Variants in ONECUT2 observed in about 807,000 individuals in gnomAD.
ONECUT2 encodes one cut homeobox 2, also known as one cut domain family member 2.
A neutral mutation model predicts 27.9 loss-of-function variants in ONECUT2; 10 were observed. That is an observed-to-expected ratio of 0.36 (90% CI 0.22 to 0.61). The LOEUF (loss-of-function observed/expected upper bound fraction) is 0.61, where lower values mean the gene tolerates loss of function less well. ONECUT2 is among the 20% of genes least tolerant of loss of function. ONECUT2 has a pLI of 0.73. For synonymous variants in ONECUT2, 334 were observed against 315.1 expected, an observed-to-expected ratio of 1.06 and a Z score of -0.64; for missense variants, 686 against 721.0, an observed-to-expected ratio of 0.95 and a Z score of 0.56.
rs920002810 is a variant in ONECUT2, at chr18:57,488,777, G to A, written c.*12054G>A. The A allele has an allele frequency of 2.0e-5, 3 of 152,648 alleles. No individual in the cohort carries two copies. Among genetic ancestry groups the A allele is most frequent in the Non-Finnish European group, 2.9e-5 (2 of 68,084 alleles). The allele number at this position is 152,648 out of a possible 1,614,324, so 9.5% of individuals were successfully genotyped here. On this transcript the variant is annotated 3_prime_UTR_variant, in exon 2 of 2. Transcript: ENST00000491143. Reference sequence around the variant, plus strand: ...TGGTTTTCTCTCCTGCCCTCTTGGGGAAACATGGGCCTGGCCTGGGAAAAG... The same window carrying A: ...TGGTTTTCTCTCCTGCCCTCTTGGGAAAACATGGGCCTGGCCTGGGAAAAG...
In ONECUT2 at chr18:57,480,687, C is replaced by T. The variant is rs2050411141; in HGVS notation, c.*3964C>T. ...TTGCTTTTAGAAAATTATTTACATACATATATAAATATATATGTGTATCTA... is the reference window on the plus strand; with the variant it reads ...TTGCTTTTAGAAAATTATTTACATATATATATAAATATATATGTGTATCTA... On this transcript the variant is annotated 3_prime_UTR_variant, in exon 2 of 2. Transcript: ENST00000491143. 6.6e-6 allele frequency: 1 copy of T among 151,772 alleles called. No homozygotes were observed. The highest frequency in any genetic ancestry group is 6.6e-5 in the Admixed American group (1 of 15,252). The allele number at this position is 151,772 out of a possible 1,614,324, so 9.4% of individuals were successfully genotyped here.
chr18:57,450,488 T>C (rs1286067312), intron 1 of ONECUT2, among the ~76,000 whole-genome samples: 2 of 152,276 alleles, frequency 1.3e-5, no homozygotes, highest in South Asian at 4.1e-4. Context: ...AAAGGGGTAT[T>C]GTTTTCTATA....
At chr18:57,454,895 T>C (rs2050250368) in intron 1 of ONECUT2, among the ~76,000 whole-genome samples, 1 of 152,224 alleles carries the variant, frequency 6.6e-6, no homozygotes, top group Admixed American at 6.5e-5. Flanking sequence ...CCCTACAGGC[T>C]TAGATTGGAA....
At chr18:57,471,842 C>G (rs950982233) in intron 1 of ONECUT2, among the ~76,000 whole-genome samples, 4 of 152,138 alleles carry the variant, frequency 2.6e-5, no homozygotes, top group Admixed American at 2.0e-4. Flanking sequence ...AGCGCTTGGC[C>G]TTCCATGTGG....
At chr18:57,472,589 C>G (rs892063460) in intron 1 of ONECUT2, among the ~76,000 whole-genome samples, 2 of 152,170 alleles carry the variant, frequency 1.3e-5, no homozygotes, top group African/African-American at 4.8e-5. Flanking sequence ...GCTGTGGCAT[C>G]TGGTGGCTTC....
chr18:57,438,101 C>T (rs1476226370), intron 1 of ONECUT2, among the ~76,000 whole-genome samples: 1 of 152,202 alleles, frequency 6.6e-6, no homozygotes, highest in Non-Finnish European at 1.5e-5. Flanking sequence ...GGCGGGTGCG[C>T]GAGCTAGAGG....
rs770906620 is a variant in ONECUT2 at position 57,476,478 on chromosome 18, A to T, written c.1270A>T (p.Asn424Tyr). The T allele has an allele frequency of 4.2e-5, 68 of 1,614,136 alleles. No individual in the cohort carries two copies. The Middle Eastern group carries it at 6.6e-4, about 16-fold the overall frequency. Residue 424 changes from asparagine (N) to tyrosine (Y), a missense_variant, in exon 2 of 2, where the codon AAT becomes TAT. By Grantham distance (143) the Asn-to-Tyr change is moderately radical (BLOSUM62 -2). Around this residue, in one of 4 missense-constraint regions of ONECUT2, gnomAD observed 51 missense variants for 41.3 expected, o/e 1.23. Transcript: ENST00000491143. ...KEQEPNKDRN[N>Y]SQKKSRLVFT... ...GCAAGAACCAAACAAAGACAGGAAC[A>T]ATTCCCAGAAGAAGTCCCGCCTGGT...
At position 57,435,993 on chromosome 18, in the gene ONECUT2, A is replaced by T; in HGVS notation, c.277A>T (p.Thr93Ser). The T allele has an allele frequency of 6.6e-7, 1 of 1,507,834 alleles. No individual in the cohort carries two copies. 93.4% of individuals were successfully genotyped at this position (1,507,834 alleles called of 1,614,324 possible). A position where few individuals can be genotyped will look rare whatever the true frequency, so the allele number is the denominator to read the frequency against. Residue 93 changes from threonine to serine, a missense_variant, in exon 1 of 2, where the codon ACG becomes TCG. Coordinates refer to ENST00000491143, the MANE Select transcript of ONECUT2 (RefSeq NM_004852.3). ...PPPTAHQELG[T>S]AAAAAAAASR... ...TCCAACCGCGCACCAGGAGCTGGGC[A>T]CGGCGGCAGCGGCGGCAGCGGCGGC...
rs2122155873 is a variant in ONECUT2 at position 57,477,734 on chromosome 18, G to A, written c.*1011G>A. On this transcript the variant is annotated 3_prime_UTR_variant, in exon 2 of 2. Transcript: ENST00000491143. ...ATCTAGGTTTTTTTAGGTCATTAAT[G>A]TGTCCTTGGTTGATCAGTCATCTGG... The A allele has an allele frequency of 6.6e-6, 1 of 152,612 alleles. No homozygotes were observed. Among genetic ancestry groups the A allele is most frequent in the African/African-American group, 2.4e-5 (1 of 41,554 alleles). 9.5% of individuals were successfully genotyped at this position (152,612 alleles called of 1,614,324 possible).
In ONECUT2 at chr18:57,478,582, G is replaced by A. The variant is rs891871141; in HGVS notation, c.*1859G>A. On this transcript the variant is annotated 3_prime_UTR_variant, in exon 2 of 2. Coordinates refer to ENST00000491143, the MANE Select transcript of ONECUT2 (RefSeq NM_004852.3). Reference sequence around the variant, plus strand: ...CCTCTTGGGACATTTTTTGGAAGCAGATTTTAAAGAAAGGGTTGAGACAAA... The same window carrying A: ...CCTCTTGGGACATTTTTTGGAAGCAAATTTTAAAGAAAGGGTTGAGACAAA... 6.6e-6 allele frequency: 1 copy of A among 152,652 alleles called. No individual in the cohort carries two copies. The highest frequency in any genetic ancestry group is 1.5e-5 in the Non-Finnish European group (1 of 68,030). The allele number at this position is 152,652 out of a possible 1,614,324, so 9.5% of individuals were successfully genotyped here. A position where few individuals can be genotyped will look rare whatever the true frequency, so the allele number is the denominator to read the frequency against.
rs2050461190 is a variant in ONECUT2 at position 57,490,653 on chromosome 18, T to C, written c.*13930T>C. On this transcript the variant is annotated 3_prime_UTR_variant, in exon 2 of 2. Transcript: ENST00000491143. ...GCTATTCTAGAAACTCAGTCCTTTG[T>C]GGAAACCCAACTACCTTTTAAAAGT... is the stretch of plus-strand genomic sequence containing the variant. 6.6e-6 allele frequency: 1 copy of C among 152,184 alleles called. No homozygotes were observed. Among genetic ancestry groups the C allele is most frequent in the South Asian group, 2.1e-4 (1 of 4,832 alleles). The allele number at this position is 152,184 out of a possible 1,614,324, so 9.4% of individuals were successfully genotyped here. A position where few individuals can be genotyped will look rare whatever the true frequency, so the allele number is the denominator to read the frequency against.
intron 1 of ONECUT2, among the ~76,000 whole-genome samples, chr18:57,472,036 A>G (rs1470446760): frequency 6.6e-6 from 1 of 152,198 alleles, no homozygotes; most frequent in African/African-American, 2.4e-5. Flanking sequence ...GGGCTGGGCT[A>G]ACCTTGCACC....
intron 1 of ONECUT2, among the ~76,000 whole-genome samples, chr18:57,466,259 G>A (rs1383902556): frequency 6.6e-6 from 1 of 152,184 alleles, no homozygotes; most frequent in African/African-American, 2.4e-5. Flanking sequence ...GGACTCAGAT[G>A]TTATTTTTTC....
Position 57,436,047 on chromosome 18 carries a change from G to C in ONECUT2, c.331G>C (p.Ala111Pro), listed in dbSNP as rs2050138207. The C allele has an allele frequency of 1.3e-6, 2 of 1,587,612 alleles. No homozygotes were observed. Among genetic ancestry groups the C allele is most frequent in the Middle Eastern group, 3.4e-4 (2 of 5,944 alleles). The change falls in exon 1 of 2, where the codon GCC (alanine) becomes CCC (proline). Residue 111 changes from alanine to proline, a missense_variant. Around this residue, in one of 4 missense-constraint regions of ONECUT2, gnomAD observed 511 missense variants for 488.1 expected, o/e 1.05. Coordinates refer to ENST00000491143, the MANE Select transcript of ONECUT2 (RefSeq NM_004852.3). The surrounding 1 kb of genome is among the most constrained non-coding windows in gnomAD (Gnocchi z 5.9). ...GCGCTCGGCCATGGTCACCAGCATG[G>C]CCTCGATCCTGGACGGCGGCGACTA... ...ASRSAMVTSM[A>P]SILDGGDYRP...
chr18:57,455,024 C>T lies in ONECUT2; in HGVS notation c.1228+18080C>T, dbSNP rs146882302. On this transcript the variant is annotated intron_variant, in intron 1 of 1. Coordinates refer to ENST00000491143, the MANE Select transcript of ONECUT2 (RefSeq NM_004852.3). ...TCACATCATCTGTCTCTATAATGAT[C>T]ACAGGTTTGGGGGGCCTTATCAGAA... is the stretch of plus-strand genomic sequence containing the variant. Among the ~76,000 whole-genome samples the T allele has an allele frequency of 1.3e-3, 205 of 152,304 alleles. 1 individual carries two copies. Among genetic ancestry groups the T allele is most frequent in the African/African-American group, 4.8e-3 (200 of 41,568 alleles).
intron 1 of ONECUT2, among the ~76,000 whole-genome samples, chr18:57,472,437 C>G (rs766881158): frequency 6.6e-6 from 1 of 152,214 alleles, no homozygotes; most frequent in African/African-American, 2.4e-5. Context: ...TAGCTCCTGA[C>G]CAACTGCTTT....
At position 57,435,676 on chromosome 18, in the gene ONECUT2, G is replaced by GCC; in HGVS notation, c.-37_-36dup. On this transcript the variant is annotated 5_prime_UTR_variant, in exon 1 of 2. Coordinates refer to ENST00000491143, the MANE Select transcript of ONECUT2 (RefSeq NM_004852.3). Reference sequence around the variant, plus strand: ...CGCGCGCCTTGCCCGCCCGCCGGCCGCCCCCGCCGCCCCCGCCGCCCCCGG... The same window carrying GCC: ...CGCGCGCCTTGCCCGCCCGCCGGCCGCCCCCCCGCCGCCCCCGCCGCCCCCGG... 7.7e-5 allele frequency: 51 copies of GCC among 659,456 alleles called. No individual in the cohort carries two copies. The highest frequency in any genetic ancestry group is 9.3e-5 in the Non-Finnish European group (48 of 514,988). 40.9% of individuals were successfully genotyped at this position (659,456 alleles called of 1,614,324 possible).
At chr18:57,461,642 G>A (rs2050292306) in intron 1 of ONECUT2, among the ~76,000 whole-genome samples, 2 of 152,238 alleles carry the variant, frequency 1.3e-5, no homozygotes, top group South Asian at 4.1e-4. Context: ...ATCCTGCTGA[G>A]TAACTCTGTG....
intron 1 of ONECUT2, among the ~76,000 whole-genome samples, chr18:57,454,784 C>G (rs1052863087): frequency 1.3e-5 from 2 of 152,174 alleles, no homozygotes; most frequent in Non-Finnish European, 2.9e-5. Flanking sequence ...CTCCCCACCC[C>G]CAATGTCCTT....
Sources: allele counts gnomAD v4.1 joint callset (sites outside exome capture counted in the v4.1 genomes callset), GRCh38; gene constraint gnomAD v4.1.1; regional missense constraint gnomAD v4.1.1; non-coding constraint Gnocchi (gnomAD v3.1); transcripts MANE v1.5; gene names NCBI Gene and HGNC (gene_info 2026-07-23, HGNC 2026-07-21).